The following PHLDA1 variants were observed in gnomAD, a reference collection of about 807,000 sequenced individuals.
PHLDA1 encodes the protein pleckstrin homology like domain family A member 1.
In PHLDA1, 28 loss-of-function variants were observed where a neutral mutation model predicts 33.8. That is an observed-to-expected ratio of 0.83 (90% confidence interval 0.61 to 1.14). The LOEUF (loss-of-function observed/expected upper bound fraction) is 1.14, where lower values mean the gene tolerates loss of function less well. Among genes scored for constraint, PHLDA1 ranks in the 50% most tolerant of loss-of-function variants. The pLI is 0.00. For synonymous variants in PHLDA1, 271 were observed against 243.6 expected, an observed-to-expected ratio of 1.11 and a Z score of -1.05; for missense variants, 595 against 548.6, an observed-to-expected ratio of 1.08 and a Z score of -0.84.
At position 76,031,026 on chromosome 12, in the gene PHLDA1, G is replaced by A; in HGVS notation, c.716C>T (p.Thr239Ile). The change falls in exon 1 of 2, where the codon ACC becomes ATC. Residue 239 changes from threonine (T) to isoleucine (I), a missense_variant. Physicochemically the swap from Thr to Ile is moderately conservative, Grantham distance 89. Transcript: ENST00000266671. The surrounding 1 kb of genome is among the most constrained non-coding windows in gnomAD (Gnocchi z 5.4). ...GCCCTTGCGCTCCACACAGTCCACGGTCTTCATGTTGGAGAAGTGCAGTTC... is the reference window on the plus strand; with the variant it reads ...GCCCTTGCGCTCCACACAGTCCACGATCTTCATGTTGGAGAAGTGCAGTTC... 1 of 1,612,820 alleles carries A rather than the reference G, an allele frequency of 6.2e-7. No individual in the cohort carries two copies. Among genetic ancestry groups the A allele is most frequent in the Non-Finnish European group, 8.5e-7 (1 of 1,179,966 alleles).
chr12:76,028,172 A>G (rs147194244), exon 2 of PHLDA1: 50 of 152,300 alleles, frequency 3.3e-4, no homozygotes, highest in African/African-American at 1.2e-3. Context: ...CTCATTTCAT[A>G]TACATATATA....
chr12:76,030,223 T>C (rs1870860414), intron 1 of PHLDA1, 131 bp from the exon 2 acceptor site: 6 of 465,440 alleles, frequency 1.3e-5, no homozygotes, highest in South Asian at 1.2e-4. Context: ...CCCAAACATA[T>C]AGTCAAGTGG....
chr12:76,030,668 T>G, exon 1 of PHLDA1: 1 of 1,172,158 alleles, frequency 8.5e-7, no homozygotes, highest in Non-Finnish European at 1.3e-6. Flanking sequence ...GATGAGAGTG[T>G]GGATGTGGAT....
chr12:76,030,768 G>A (rs143326274), exon 1 of PHLDA1: 4 of 1,400,740 alleles, frequency 2.9e-6, no homozygotes, highest in Admixed American at 2.0e-5. Context: ...TTGCGGCTGA[G>A]GCTGAGGCTG....
exon 2 of PHLDA1, chr12:76,027,865 G>C (rs989055034): frequency 3.3e-5 from 5 of 151,616 alleles, no homozygotes; most frequent in Admixed American, 6.6e-5. Flanking sequence ...AGGGAGCCTA[G>C]GCGCATCTTT....
chr12:76,028,889 T>G (rs1870830796), exon 2 of PHLDA1: 1 of 152,764 alleles, frequency 6.5e-6, no homozygotes, highest in Non-Finnish European at 1.5e-5. Flanking sequence ...CTGAAAATCC[T>G]GTGTTTATCC....
exon 2 of PHLDA1, chr12:76,027,215 A>C (rs1408400126): frequency 6.6e-6 from 1 of 152,186 alleles, no homozygotes; most frequent in Non-Finnish European, 1.5e-5. Context: ...TACAGGTAGA[A>C]TAGAGCCACT....
exon 2 of PHLDA1, chr12:76,028,510 A>T (rs561572504): frequency 6.6e-6 from 1 of 152,352 alleles, no homozygotes; most frequent in Non-Finnish European, 1.5e-5. Context: ...GAAGGAGAAT[A>T]AAGACATCTG....
chr12:76,030,539 G>A (rs765810374), exon 1 of PHLDA1: 9 of 1,612,990 alleles, frequency 5.6e-6, no homozygotes, highest in Admixed American at 1.7e-5. Flanking sequence ...GCCCCTTTCA[G>A]GCAGAGTTGG....
Position 76,031,731 on chromosome 12 carries a change from G to A in PHLDA1, c.11C>T (p.Ala4Val), listed in dbSNP as rs1171017123. 2.2e-6 allele frequency: 3 copies of A among 1,383,166 alleles called. No individual in the cohort carries two copies. Among genetic ancestry groups the A allele is most frequent in the Non-Finnish European group, 1.9e-6 (2 of 1,065,038 alleles). 85.7% of individuals were successfully genotyped at this position (1,383,166 alleles called of 1,614,324 possible). A position where few individuals can be genotyped will look rare whatever the true frequency, so the allele number is the denominator to read the frequency against. ...CTCCAAGAGGCGCTCGGCAGCCGGC[G>A]CACGCCTCATTAACTTGGGGCCTTT... Residue 4 changes from alanine (A) to valine (V), a missense_variant, in exon 1 of 2, where the codon GCG becomes GTG. By Grantham distance (64) the Ala-to-Val change is moderately conservative (BLOSUM62 0). Coordinates refer to ENST00000266671, the Ensembl canonical transcript of PHLDA1. The surrounding 1 kb of genome is among the most constrained non-coding windows in gnomAD (Gnocchi z 5.4).
At position 76,031,141 on chromosome 12, in the gene PHLDA1, G is replaced by A; in HGVS notation, c.601C>T (p.Gln201Ter). The change falls in exon 1 of 2, where the codon CAG (glutamine) becomes TAG (stop). Residue 201 changes from glutamine (Q) to a stop codon, truncating the protein, a stop_gained. Coordinates refer to ENST00000266671, the Ensembl canonical transcript of PHLDA1. LOFTEE classifies it high-confidence loss of function. The surrounding 1 kb of genome is among the most constrained non-coding windows in gnomAD (Gnocchi z 5.4). Reference sequence around the variant, plus strand: ...GGCCCCTGCCCGGGCTGTTGTTGCTGCTGCTGCTGCTGCTGTTGCTGCTGC... The same window carrying A: ...GGCCCCTGCCCGGGCTGTTGTTGCTACTGCTGCTGCTGCTGTTGCTGCTGC... The A allele has an allele frequency of 6.7e-7, 1 of 1,488,874 alleles. No individual in the cohort carries two copies. Among genetic ancestry groups the A allele is most frequent in the Non-Finnish European group, 8.9e-7 (1 of 1,127,578 alleles). The allele number at this position is 1,488,874 out of a possible 1,614,324, so 92.2% of individuals were successfully genotyped here.
exon 2 of PHLDA1, chr12:76,026,543 C>G (rs964529074): frequency 2.0e-5 from 3 of 152,138 alleles, no homozygotes; most frequent in African/African-American, 7.2e-5. Flanking sequence ...TTAATCCAGA[C>G]TTCCTAACAG....
exon 2 of PHLDA1, chr12:76,028,238 G>GTATA (rs1364209028): frequency 6.6e-6 from 1 of 151,892 alleles, no homozygotes; most frequent in Non-Finnish European, 1.5e-5. Context: ...TCTCATATAT[G>GTATA]TATATATACA....
At chr12:76,030,939 T>A in exon 1 of PHLDA1, 1 of 1,614,058 alleles carries the variant, frequency 6.2e-7, no homozygotes, top group Non-Finnish European at 8.5e-7. Flanking sequence ...GCCCTGGTCT[T>A]GCGGGCACCG....
Position 76,031,696 on chromosome 12 carries a change from G to T in PHLDA1, c.46C>A (p.Pro16Thr), listed in dbSNP as rs3747549. ...GGCTCCTGGCGCCCGCACCGCGGGG[G>T]AAAGCCCAGCTCCAAGAGGCGCTCG... Residue 16 changes from proline to threonine, a missense_variant, in exon 1 of 2, where the codon CCC (proline) becomes ACC (threonine). Pro to Thr is a conservative substitution (Grantham distance 38). Coordinates refer to ENST00000266671, the Ensembl canonical transcript of PHLDA1. This position sits in a 1 kb window ranked among gnomAD's most constrained non-coding sequence, Gnocchi z 5.4. 4 of 1,446,764 alleles carry T rather than the reference G, an allele frequency of 2.8e-6. No individual in the cohort carries two copies. The highest frequency in any genetic ancestry group is 1.5e-5 in the African/African-American group (1 of 66,698). 89.6% of individuals were successfully genotyped at this position (1,446,764 alleles called of 1,614,324 possible). A position where few individuals can be genotyped will look rare whatever the true frequency, so the allele number is the denominator to read the frequency against.
At chr12:76,026,447 T>A (rs1055391840) in exon 2 of PHLDA1, 1 of 152,140 alleles carries the variant, frequency 6.6e-6, no homozygotes, top group Non-Finnish European at 1.5e-5. Context: ...GATATAAAAT[T>A]AGGGCTTTCT....
At chr12:76,030,196 G>C (rs1870859578) in intron 1 of PHLDA1, 104 bp from the exon 2 acceptor site, 1 of 389,852 alleles carries the variant, frequency 2.6e-6, no homozygotes, top group Non-Finnish European at 4.7e-6. Flanking sequence ...AAGACACCGT[G>C]GTGTTTCCCT....
exon 2 of PHLDA1, chr12:76,027,824 C>A (rs180724535): frequency 6.6e-6 from 1 of 151,018 alleles, no homozygotes; most frequent in Non-Finnish European, 1.5e-5. Context: ...ATGGCCACCA[C>A]GGGCGAAGAA....
chr12:76,027,966 A>G (rs534235762), exon 2 of PHLDA1: 91 of 151,580 alleles, frequency 6.0e-4, no homozygotes, highest in Middle Eastern at 3.4e-3. Context: ...TTGTAAAAAT[A>G]TTTGGTATGG....
Sources: gnomAD v4.1 joint callset for allele counts on GRCh38, gnomAD v4.1.1 for gene constraint, Gnocchi (gnomAD v3.1) non-coding constraint, MANE v1.5 for transcripts, NCBI Gene and HGNC (gene_info 2026-07-23, HGNC 2026-07-21) for gene names.